Variants in TECTA observed in about 807,000 individuals in gnomAD.
TECTA encodes alpha-tectorin.
In TECTA, 128 loss-of-function variants were observed where a neutral mutation model predicts 216.8. The observed-to-expected ratio is 0.59, with a 90% CI of 0.51 to 0.68. The LOEUF is 0.68. TECTA is among the 30% of genes least tolerant of loss of function. TECTA has a pLI of 0.00. For synonymous variants in TECTA, 1,089 were observed against 1,117.1 expected, an observed-to-expected ratio of 0.97 and a Z score of 0.50; for missense variants, 2,551 against 2,786.2, an observed-to-expected ratio of 0.92 and a Z score of 1.90.
Position 121,176,550 on chromosome 11 carries a change from AG to A in TECTA, c.5999+7626del, listed in dbSNP as rs1353793824. On this transcript the variant is annotated intron_variant, in intron 20 of 23. Coordinates refer to ENST00000392793, the MANE Select transcript of TECTA (RefSeq NM_005422.4). The stretch of plus-strand genomic sequence containing the variant: ...AGTTTCTGCCAAGAGATCCGCTGTT[AG>A]TCTGATGGGCTTCCCTTTGTGGGTA... Among the ~76,000 whole-genome samples the A allele has an allele frequency of 2.4e-5, 3 of 122,640 alleles. No homozygotes were observed. In the East Asian group the frequency reaches 6.3e-4, roughly 26 times the overall value. 80.5% of individuals were successfully genotyped at this position (122,640 alleles called of 152,430 possible).
intron 13 of TECTA, among the ~76,000 whole-genome samples, chr11:121,156,654 ATTATTT>A (rs575522941): frequency 0.014 from 2,121 of 149,372 alleles, 62 homozygotes; most frequent in African/African-American, 0.048. Flanking sequence ...TATTATTATT[ATTATTT>A]TTATTATTAT....
chr11:121,183,791 A>G (rs1793092233), intron 20 of TECTA, among the ~76,000 whole-genome samples: 1 of 152,142 alleles, frequency 6.6e-6, no homozygotes, highest in Non-Finnish European at 1.5e-5. Flanking sequence ...GTATTTTTTA[A>G]TTTCATTCAT....
rs1464444684 is a variant in TECTA at position 121,104,143 on chromosome 11, C to T, written c.64+1414C>T. Among the ~76,000 whole-genome samples, 4 of 152,148 alleles carry T rather than the reference C, an allele frequency of 2.6e-5. No individual in the cohort carries two copies. In the South Asian group the frequency reaches 8.3e-4, roughly 32 times the overall value. ...CCTCATTCATACTTGGGCATGACTCCTAAAAAGTTCCCCATGAAGGATAAA... is the reference window on the plus strand; with the variant it reads ...CCTCATTCATACTTGGGCATGACTCTTAAAAAGTTCCCCATGAAGGATAAA... On this transcript the variant is annotated intron_variant, in intron 2 of 23. Transcript: ENST00000392793.
chr11:121,150,186 G>T (rs1946876276), intron 12 of TECTA, among the ~76,000 whole-genome samples: 1 of 152,172 alleles, frequency 6.6e-6, no homozygotes, highest in African/African-American at 2.4e-5. Context: ...AGAAGAGAAA[G>T]TTCAGAAACA....
intron 12 of TECTA, among the ~76,000 whole-genome samples, chr11:121,151,582 T>G (rs1015580465): frequency 1.3e-5 from 2 of 152,212 alleles, no homozygotes; most frequent in Non-Finnish European, 2.9e-5. Context: ...ATAGAACACT[T>G]CTGGAAAAAT....
At chr11:121,153,874 C>T (rs539276571) in intron 13 of TECTA, among the ~76,000 whole-genome samples, 12 of 152,292 alleles carry the variant, frequency 7.9e-5, no homozygotes, top group Middle Eastern at 3.4e-3. Flanking sequence ...ACCTCAAGCC[C>T]ATTCTCTGTT....
intron 10 of TECTA, among the ~76,000 whole-genome samples, chr11:121,135,646 T>C (rs1183556733): frequency 6.6e-6 from 1 of 152,226 alleles, no homozygotes; most frequent in Non-Finnish European, 1.5e-5. Context: ...TATCGGTACT[T>C]GTGGGCAGAA....
At chr11:121,154,525 C>T (rs1946922983) in intron 13 of TECTA, among the ~76,000 whole-genome samples, 1 of 152,214 alleles carries the variant, frequency 6.6e-6, no homozygotes, top group African/African-American at 2.4e-5. Context: ...TCAAAAAGCA[C>T]TCTCTAAACT....
At position 121,105,669 on chromosome 11, in the gene TECTA, C is replaced by T. The variant is rs374613204; in HGVS notation, c.65-162C>T. Among the ~76,000 whole-genome samples, 20 of 152,304 alleles carry T rather than the reference C, an allele frequency of 1.3e-4. No homozygotes were observed. Among genetic ancestry groups the T allele is most frequent in the African/African-American group, 2.6e-4 (11 of 41,574 alleles). On this transcript the variant is annotated intron_variant, in intron 2 of 23. Coordinates refer to ENST00000392793, the MANE Select transcript of TECTA (RefSeq NM_005422.4). The surrounding 1 kb of genome is among the most constrained non-coding windows in gnomAD (Gnocchi z 5.3). ...CCGTTTCCCAGAGCAGAAGATACTG[C>T]GCTGTGTATGGCCTAGGTTTAGGAT...
chr11:121,169,069 C>A, intron 20 of TECTA, 144 bp downstream of exon 20: 1 of 1,290,370 alleles, frequency 7.7e-7, no homozygotes, highest in Non-Finnish European at 1.1e-6. Flanking sequence ...ATCTAATTCT[C>A]AAGACAACCT....
intron 13 of TECTA, among the ~76,000 whole-genome samples, chr11:121,153,892 T>C (rs1367134407): frequency 6.6e-6 from 1 of 152,226 alleles, no homozygotes; most frequent in Non-Finnish European, 1.5e-5. Context: ...GTTTAAATGA[T>C]ATCAAAACCA....
In TECTA at chr11:121,145,827, G is replaced by T; in HGVS notation, c.3816G>T (p.Lys1272Asn). ...ATGAGTTTGGGCAGAGCTGGGTGAAGAGGGACACCTTCTGCCAGGTGGGCT... is the reference window on the plus strand; with the variant it reads ...ATGAGTTTGGGCAGAGCTGGGTGAATAGGGACACCTTCTGCCAGGTGGGCT... ...SVNEFGQSWV[K>N]RDTFCQVGCG... The change falls in exon 12 of 24, where the codon AAG (lysine) becomes AAT (asparagine). Residue 1272 changes from lysine (K) to asparagine (N), a missense_variant. Lys to Asn is a moderately conservative substitution (Grantham distance 94, BLOSUM62 0). Coordinates refer to ENST00000392793, the MANE Select transcript of TECTA (RefSeq NM_005422.4). The T allele has an allele frequency of 6.2e-7, 1 of 1,614,212 alleles. No individual in the cohort carries two copies. The highest frequency in any genetic ancestry group is 8.5e-7 in the Non-Finnish European group (1 of 1,180,040).
At chr11:121,159,834 A>G (rs974548482) in intron 14 of TECTA, among the ~76,000 whole-genome samples, 2 of 152,170 alleles carry the variant, frequency 1.3e-5, no homozygotes, top group African/African-American at 2.4e-5. Flanking sequence ...TCTGCTCCAT[A>G]GTTTGCTTCC....
rs199592676 is a variant in TECTA at position 121,147,203 on chromosome 11, C to G, written c.4105+1087C>G. 1.2e-4 allele frequency among the ~76,000 whole-genome samples: 18 copies of G among 152,302 alleles called. No individual in the cohort carries two copies. The East Asian group carries it at 3.1e-3, about 26-fold the overall frequency. On this transcript the variant is annotated intron_variant, in intron 12 of 23. Transcript: ENST00000392793. ...TATTCCTTTTAGAAGGTCTGTAGCT[C>G]TTTTAAAACTACAAATTGATCCTGA...
rs574927804 is a variant in TECTA at position 121,105,538 on chromosome 11, A to G, written c.65-293A>G. Among the ~76,000 whole-genome samples, 24 of 152,362 alleles carry G rather than the reference A, an allele frequency of 1.6e-4. No homozygotes were observed. Among genetic ancestry groups the G allele is most frequent in the African/African-American group, 5.3e-4 (22 of 41,580 alleles). ...CTCAAGGTTTCCAGGGAAATTTCAC[A>G]AATTTCCAGCCAGCTGTAGCCATAG... On this transcript the variant is annotated intron_variant, in intron 2 of 23. Coordinates refer to ENST00000392793, the MANE Select transcript of TECTA (RefSeq NM_005422.4). The surrounding 1 kb of genome is among the most constrained non-coding windows in gnomAD (Gnocchi z 5.3).
rs1345971088 is a variant in TECTA at position 121,153,040 on chromosome 11, C to T, written c.4265C>T (p.Pro1422Leu). 6 of 1,614,162 alleles carry T rather than the reference C, an allele frequency of 3.7e-6. No homozygotes were observed. The highest frequency in any genetic ancestry group is 5.1e-6 in the Non-Finnish European group (6 of 1,180,028). The change falls in exon 13 of 24, where the codon CCC (proline) becomes CTC (leucine). Residue 1422 changes from proline to leucine, a missense_variant. Transcript: ENST00000392793. ...CTCAACGGCAAGAGCTGCATCCTGC[C>T]CCACAGCTGCGGCTGCTACTCCGAT... ...YVLNGKSCIL[P>L]HSCGCYSDGK...
chr11:121,116,044 C>T (rs1366343273), intron 6 of TECTA, among the ~76,000 whole-genome samples: 1 of 152,180 alleles, frequency 6.6e-6, no homozygotes, highest in Non-Finnish European at 1.5e-5. Flanking sequence ...GTGATTAGTG[C>T]CTTCGCTCTA....
At chr11:121,121,634 G>C (rs781387866) in intron 7 of TECTA, among the ~76,000 whole-genome samples, 2 of 152,308 alleles carry the variant, frequency 1.3e-5, no homozygotes, top group South Asian at 4.1e-4. Flanking sequence ...CAGTCACCCA[G>C]GTGTCAGGTC....
At chr11:121,158,352 G>A in intron 14 of TECTA, 128 bp downstream of exon 14, 1 of 1,293,340 alleles carries the variant, frequency 7.7e-7, no homozygotes, top group Non-Finnish European at 1.1e-6. Context: ...TCCACACACA[G>A]TGACCAGGTT....
Sources: gnomAD v4.1 joint callset for allele counts (sites outside exome capture counted in the v4.1 genomes callset) on GRCh38, gnomAD v4.1.1 for gene constraint, Gnocchi (gnomAD v3.1) non-coding constraint, MANE v1.5 for transcripts, NCBI Gene and HGNC (gene_info 2026-07-23, HGNC 2026-07-21) for gene names.